Variants in ABCC1 observed in about 807,000 individuals in gnomAD.
The protein encoded by ABCC1 is multidrug resistance-associated protein 1.
A neutral mutation model predicts 172.9 loss-of-function variants in ABCC1; 83 were observed. The ratio of observed to expected loss-of-function variants is 0.48; its 90% confidence interval spans 0.40 to 0.58. The LOEUF (loss-of-function observed/expected upper bound fraction) is 0.58. Among genes scored for constraint, ABCC1 ranks in the 20% least tolerant of loss-of-function variants. ABCC1 has a pLI of 0.00. For synonymous variants in ABCC1, 937 were observed against 825.2 expected, an observed-to-expected ratio of 1.14 and a Z score of -2.32; for missense variants, 1,817 against 2,002.7, an observed-to-expected ratio of 0.91 and a Z score of 1.77.
At chr16:15,999,805 CTCT>C (rs2047202236) in intron 1 of ABCC1, among the ~76,000 whole-genome samples, 1 of 27,090 alleles carries the variant, frequency 3.7e-5, no homozygotes, top group African/African-American at 9.8e-5. Flanking sequence ...CTCTCTCTCT[CTCT>C]CCTCTCTCTC....
rs558919216 is a variant in ABCC1, at chr16:16,071,801, C to T, written c.1912+72C>T. 4.4e-6 allele frequency: 6 copies of T among 1,367,496 alleles called. No homozygotes were observed. The South Asian group carries it at 6.2e-5, about 14-fold the overall frequency. 84.7% of individuals were successfully genotyped at this position (1,367,496 alleles called of 1,614,324 possible). On this transcript the variant is annotated intron_variant, in intron 14 of 30. Coordinates refer to ENST00000399410, the MANE Select transcript of ABCC1 (RefSeq NM_004996.4). ...TCTCCCACTGGGTCCTCCCTACTTG[C>T]ATTTCTTTCCCTTGGCTGCCCTCAG...
At chr16:16,069,814 A>C (rs745391204) in intron 13 of ABCC1, among the ~76,000 whole-genome samples, 5 of 152,152 alleles carry the variant, frequency 3.3e-5, no homozygotes, top group Non-Finnish European at 7.4e-5. Context: ...AGCTGAGGTC[A>C]GGAGTTCGAG....
intron 1 of ABCC1, among the ~76,000 whole-genome samples, chr16:15,951,917 T>C (rs530347938): frequency 4.1e-4 from 63 of 152,316 alleles, no homozygotes; most frequent in African/African-American, 1.3e-3. Context: ...CTCCTACTCC[T>C]GGGCTCAAGC....
At chr16:16,109,098 A>T (rs1421435927) in intron 21 of ABCC1, among the ~76,000 whole-genome samples, 1 of 152,220 alleles carries the variant, frequency 6.6e-6, no homozygotes, top group African/African-American at 2.4e-5. Context: ...AAAACTCAAA[A>T]GGAAGCAGCC....
At chr16:16,041,321 G>A (rs531899988) in intron 7 of ABCC1, among the ~76,000 whole-genome samples, 1 of 152,170 alleles carries the variant, frequency 6.6e-6, no homozygotes, top group African/African-American at 2.4e-5. Context: ...AGTACATGCT[G>A]GGCAGGTTTT....
At chr16:15,959,164 A>G (rs2046071969) in intron 1 of ABCC1, among the ~76,000 whole-genome samples, 1 of 152,118 alleles carries the variant, frequency 6.6e-6, no homozygotes, top group African/African-American at 2.4e-5. Context: ...GAGAAGCTTA[A>G]TGAGACGTTA....
intron 14 of ABCC1, among the ~76,000 whole-genome samples, chr16:16,073,259 A>T (rs2151964337): frequency 6.6e-6 from 1 of 152,182 alleles, no homozygotes; most frequent in Non-Finnish European, 1.5e-5. Context: ...TGCACAGCTG[A>T]TCAAAAGAAG....
At chr16:16,018,825 G>A (rs2048097346) in intron 5 of ABCC1, among the ~76,000 whole-genome samples, 1 of 151,894 alleles carries the variant, frequency 6.6e-6, no homozygotes. Context: ...GTGTCTTTGT[G>A]TTGTGTGTGC....
At chr16:16,125,222 C>T (rs1036746243) in intron 25 of ABCC1, among the ~76,000 whole-genome samples, 13 of 152,172 alleles carry the variant, frequency 8.5e-5, no homozygotes, top group South Asian at 2.1e-4. Context: ...AGCTGCATCT[C>T]ACAAATGATG....
chr16:16,115,709 A>G (rs2044830244), intron 23 of ABCC1, among the ~76,000 whole-genome samples: 1 of 152,018 alleles, frequency 6.6e-6, no homozygotes. Flanking sequence ...CAGGAACTAA[A>G]CAAAAAACAT....
chr16:16,046,554 A>G (rs1340778613), intron 9 of ABCC1, among the ~76,000 whole-genome samples: 6 of 152,096 alleles, frequency 3.9e-5, no homozygotes, highest in Non-Finnish European at 5.9e-5. Context: ...CATGTTGGCC[A>G]GGCTGATCTT....
At chr16:16,138,593 G>A (rs1257498188) in intron 30 of ABCC1, 35 bp downstream of exon 30, 1 of 1,493,858 alleles carries the variant, frequency 6.7e-7, no homozygotes, top group East Asian at 2.4e-5. Context: ...CTAGGCTTTG[G>A]GAGTTTGCCT....
intron 1 of ABCC1, among the ~76,000 whole-genome samples, chr16:15,973,557 A>G (rs1036404118): frequency 6.6e-6 from 1 of 152,156 alleles, no homozygotes; most frequent in African/African-American, 2.4e-5. Flanking sequence ...TAATGCTGCA[A>G]TATGTCCATC....
intron 19 of ABCC1, among the ~76,000 whole-genome samples, chr16:16,100,695 T>C (rs1306389896): frequency 6.6e-6 from 1 of 152,252 alleles, no homozygotes; most frequent in Non-Finnish European, 1.5e-5. Context: ...TGTTTAAAAA[T>C]GTATTTAGTA....
At chr16:16,042,179 T>C (rs2049002070) in intron 7 of ABCC1, among the ~76,000 whole-genome samples, 2 of 151,674 alleles carry the variant, frequency 1.3e-5, no homozygotes, top group Non-Finnish European at 2.9e-5. Context: ...GGCAGTTTTT[T>C]TTTTTTTTTT....
At chr16:16,039,788 A>G (rs568931565) in intron 7 of ABCC1, among the ~76,000 whole-genome samples, 1 of 152,118 alleles carries the variant, frequency 6.6e-6, no homozygotes, top group Non-Finnish European at 1.5e-5. Context: ...CTTGCATTGG[A>G]GGGAGTGAGC....
At position 16,075,112 on chromosome 16, in the gene ABCC1, T is replaced by C. The variant is rs573776061; in HGVS notation, c.1913-1214T>C. On this transcript the variant is annotated intron_variant, in intron 14 of 30. Transcript: ENST00000399410. ...GGCATGCGCTACCACACCTGGCTAA[T>C]GTTTGTATTTTTAGTAGAGATGGGG... 2.0e-5 allele frequency among the ~76,000 whole-genome samples: 3 copies of C among 151,886 alleles called. No individual in the cohort carries two copies. In the South Asian group the frequency reaches 6.3e-4, roughly 32 times the overall value.
chr16:16,071,792 C>G (rs570184418), intron 14 of ABCC1, 63 bp downstream of exon 14: 290 of 1,432,300 alleles, frequency 2.0e-4, no homozygotes, highest in Middle Eastern at 5.3e-4. Context: ...ACTGGGTCCT[C>G]CCTACTTGCA....
At chr16:16,134,974 C>G (rs1380447584) in intron 28 of ABCC1, among the ~76,000 whole-genome samples, 1 of 152,120 alleles carries the variant, frequency 6.6e-6, no homozygotes, top group African/African-American at 2.4e-5. Flanking sequence ...GGCTGTGCTG[C>G]TGCTTCCCTG....
Sources: gnomAD v4.1 joint callset for allele counts (sites outside exome capture counted in the v4.1 genomes callset) on GRCh38, gnomAD v4.1.1 for gene constraint, MANE v1.5 for transcripts, NCBI Gene and HGNC (gene_info 2026-07-23, HGNC 2026-07-21) for gene names.